Variants in CHRNE observed in about 807,000 individuals in gnomAD.
CHRNE encodes cholinergic receptor nicotinic epsilon subunit.
CHRNE carries 58 observed loss-of-function variants against 56.5 expected under a neutral mutation model. The ratio of observed to expected loss-of-function variants is 1.03; its 90% CI spans 0.83 to 1.28. CHRNE has a LOEUF of 1.28. Among genes scored for constraint, CHRNE ranks in the 50% most tolerant of loss-of-function variants. The probability of loss-of-function intolerance (pLI) is 0.00; values close to 1 mark genes in which losing one functional copy is unlikely to be tolerated. For missense variants in CHRNE, 793 were observed against 688.9 expected (o/e 1.15, Z -1.69); for synonymous variants, 385 against 297.9 (o/e 1.29, Z -3.01).
chr17:4,901,779 T>TC, intron 5 of CHRNE, 153 bp downstream of exon 5: 1 of 1,293,288 alleles, frequency 7.7e-7, no homozygotes, highest in Non-Finnish European at 1.1e-6. Context: ...CATCTGTACC[T>TC]CCGGCCGCGC....
At chr17:4,901,430 C>G in intron 6 of CHRNE, 95 bp downstream of exon 6, 1 of 1,167,406 alleles carries the variant, frequency 8.6e-7, no homozygotes, top group East Asian at 2.3e-5. Context: ...GGAAGTCATC[C>G]TCCAGTGTCG....
At chr17:4,903,191 C>G, upstream of CHRNE, 1 of 903,970 alleles carries the variant, frequency 1.1e-6, no homozygotes, top group Non-Finnish European at 1.8e-6. Context: ...TAATCCTCTG[C>G]TCACCCCTGC....
chr17:4,901,826 C>A (rs1969996103), intron 5 of CHRNE, 106 bp downstream of exon 5: 2 of 1,525,752 alleles, frequency 1.3e-6, no homozygotes, highest in Non-Finnish European at 1.8e-6. Context: ...CTGGCTCCGC[C>A]TCCAGCGCGA....
chr17:4,903,318 C>T (rs1970043783), upstream of CHRNE, among the ~76,000 whole-genome samples: 1 of 152,064 alleles, frequency 6.6e-6, no homozygotes, highest in African/African-American at 2.4e-5. Context: ...TCCCCAGCCA[C>T]AGATGTGGGC....
upstream of CHRNE, among the ~76,000 whole-genome samples, chr17:4,904,896 C>T (rs527997894): frequency 5.3e-5 from 8 of 152,226 alleles, no homozygotes; most frequent in Non-Finnish European, 1.0e-4. Flanking sequence ...ATCAACCCCA[C>T]GATTTCCATT....
Position 4,899,455 on chromosome 17 carries a change from C to CG in CHRNE, c.1032+12_1032+13insC. The CG allele has an allele frequency of 6.4e-7, 1 of 1,573,918 alleles. No individual in the cohort carries two copies. Among genetic ancestry groups the CG allele is most frequent in the Non-Finnish European group, 8.6e-7 (1 of 1,161,104 alleles). On this transcript the variant is annotated intron_variant, in intron 9 of 11. Transcript: ENST00000649488. ...CACCCCGACCCGGGCTGCACCGCCC[C>CG]CTCCGCGCTTACGTGGCGCAGCCGC...
Position 4,902,655 on chromosome 17 carries a change from C to T in CHRNE, c.155G>A (p.Ser52Asn), listed in dbSNP as rs759127314. 8 of 1,614,002 alleles carry T rather than the reference C, an allele frequency of 5.0e-6. No homozygotes were observed. The highest frequency in any genetic ancestry group is 1.3e-5 in the African/African-American group (1 of 74,900). Residue 52 changes from serine (S) to asparagine (N), a missense_variant, in exon 2 of 12, where the codon AGC (serine) becomes AAC (asparagine). Transcript: ENST00000649488. The surrounding 1 kb of genome is among the most constrained non-coding windows in gnomAD (Gnocchi z 4.0). ...VREPEDTVTI[S>N]LKVTLTNLIS... ...GAGATTCGTCAGGGTGACCTTGAGGCTGATGGTGACAGTATCCTCAGGCTC... is the reference window on the plus strand; with the variant it reads ...GAGATTCGTCAGGGTGACCTTGAGGTTGATGGTGACAGTATCCTCAGGCTC...
upstream of CHRNE, among the ~76,000 whole-genome samples, chr17:4,904,024 A>G (rs1242524287): frequency 6.6e-6 from 1 of 150,678 alleles, no homozygotes; most frequent in Non-Finnish European, 1.5e-5. Context: ...TGCCCGGCTA[A>G]TTTTTGTATT....
In CHRNE at chr17:4,902,733, C is replaced by T. The variant is rs188661284; in HGVS notation, c.77G>A (p.Arg26His). Residue 26 changes from arginine to histidine, a missense_variant, in exon 2 of 12, where the codon CGT becomes CAT. Physicochemically the swap from Arg to His is conservative, Grantham distance 29. Coordinates refer to ENST00000649488, the MANE Select transcript of CHRNE (RefSeq NM_000080.4). This position sits in a 1 kb window ranked among gnomAD's most constrained non-coding sequence, Gnocchi z 4.0. ...GRGVGKNEEL[R>H]LYHHLFNNYD... is the part of the protein sequence containing the mutation. ...GTTGTTGAAGAGATGGTGATAAAGA[C>T]GCAGTTCCTCGTTCTTCCCCACACC... The T allele has an allele frequency of 3.0e-5, 49 of 1,614,018 alleles. No homozygotes were observed. The East Asian group carries it at 4.2e-4, about 14-fold the overall frequency.
At position 4,899,382 on chromosome 17, in the gene CHRNE, A is replaced by G. The variant is rs752110136; in HGVS notation, c.1035T>C (p.Val345=). The G allele has an allele frequency of 6.5e-7, 1 of 1,533,022 alleles. No individual in the cohort carries two copies. The highest frequency in any genetic ancestry group is 1.2e-5 in the South Asian group (1 of 83,590). 95.0% of individuals were successfully genotyped at this position (1,533,022 alleles called of 1,614,324 possible). A position where few individuals can be genotyped will look rare whatever the true frequency, so the allele number is the denominator to read the frequency against. The change falls in exon 10 of 12, where the codon GTT becomes GTC. Residue 345 remains valine, a splice_region_variant and synonymous_variant. Transcript: ENST00000649488. ...GGAGGCGCGGCAGCAGCTCCAGGAG[A>G]ACCTGGGGCAGGGGCGGGGCTTAGG... ...THAMSPRLRH[V]LLELLPRLLG...
At position 4,902,993 on chromosome 17, in the gene CHRNE, T is replaced by G. The variant is rs749072950; in HGVS notation, c.46+25A>C. The G allele has an allele frequency of 6.2e-7, 1 of 1,613,844 alleles. No individual in the cohort carries two copies. ...CATGTCAGTATCTGTGTGTGTCCAA[T>G]TGCCCCTCTAGCCCCTGTCCGTACC... On this transcript the variant is annotated intron_variant, in intron 1 of 11. Transcript: ENST00000649488. The surrounding 1 kb of genome is among the most constrained non-coding windows in gnomAD (Gnocchi z 4.0).
At chr17:4,907,325 AGGCCGAGGCG>A (rs1307868750), upstream of CHRNE, among the ~76,000 whole-genome samples, 1 of 151,862 alleles carries the variant, frequency 6.6e-6, no homozygotes, top group African/African-American at 2.4e-5. Context: ...GCACTTCGGG[AGGCCGAGGCG>A]GGCGGATCAC....
Position 4,902,900 on chromosome 17 carries a change from G to A in CHRNE, c.46+118C>T. ...ATCTGTCTCCTAAACCAATTATGCT[G>A]TGCCTGGGAACGAAATACTGTGTCT... On this transcript the variant is annotated intron_variant, in intron 1 of 11. Transcript: ENST00000649488. This position sits in a 1 kb window ranked among gnomAD's most constrained non-coding sequence, Gnocchi z 4.0. The A allele has an allele frequency of 6.3e-7, 1 of 1,581,162 alleles. No individual in the cohort carries two copies. Among genetic ancestry groups the A allele is most frequent in the East Asian group, 2.2e-5 (1 of 44,702 alleles).
In CHRNE at chr17:4,899,073, G is replaced by A. The variant is rs1420851295; in HGVS notation, c.1254C>T (p.Pro418=). The change falls in exon 11 of 12, where the codon CCC becomes CCT. Residue 418 remains proline, a synonymous_variant. Coordinates refer to ENST00000649488, the MANE Select transcript of CHRNE (RefSeq NM_000080.4). ...CGGCATCCACACAGCAGCGGACCTC[G>A]GGGGCGGCGGCGCCCAGGCTCTGGC... ...AFCQSLGAAA[P]EVRCCVDAVN... 2.5e-6 allele frequency: 4 copies of A among 1,611,150 alleles called. No individual in the cohort carries two copies. Among genetic ancestry groups the A allele is most frequent in the African/African-American group, 2.7e-5 (2 of 74,916 alleles).
At position 4,898,964 on chromosome 17, in the gene CHRNE, TCTGCCTCGCTCCACCCGCC is replaced by T. The variant is rs756938858; in HGVS notation, c.1326+18_1326+36del. 2 of 1,272,582 alleles carry T rather than the reference TCTGCCTCGCTCCACCCGCC, an allele frequency of 1.6e-6. No homozygotes were observed. The highest frequency in any genetic ancestry group is 5.0e-5 in the Admixed American group (2 of 39,652). The allele number at this position is 1,272,582 out of a possible 1,614,324, so 78.8% of individuals were successfully genotyped here. Reference sequence around the variant, plus strand: ...GCGGCATGGGAGACAGTGGTGGGCCTCTGCCTCGCTCCACCCGCCTCTGGCTCCTGTCCCACCTCGCCGG... The same window carrying T: ...GCGGCATGGGAGACAGTGGTGGGCCTTCTGGCTCCTGTCCCACCTCGCCGG... On this transcript the variant is annotated intron_variant, in intron 11 of 11. Coordinates refer to ENST00000649488, the MANE Select transcript of CHRNE (RefSeq NM_000080.4).
rs140763858 is a variant in CHRNE, at chr17:4,899,249, G to A, written c.1168C>T (p.Arg390Trp). Reference protein sequence around the residue: ...RAEELILKKPRSELVFEGQRH... With the variant: ...RAEELILKKPWSELVFEGQRH... ...TGCCCCTCAAACACGAGCTCGCTCC[G>A]TGGCTTTTTCAGTATCAGCTCCTCC... The change falls in exon 10 of 12, where the codon CGG becomes TGG. Residue 390 changes from arginine (R) to tryptophan (W), a missense_variant. Arg to Trp is a moderately radical substitution (Grantham distance 101). Coordinates refer to ENST00000649488, the MANE Select transcript of CHRNE (RefSeq NM_000080.4). 1.3e-4 allele frequency: 214 copies of A among 1,606,450 alleles called. No homozygotes were observed. Among genetic ancestry groups the A allele is most frequent in the Middle Eastern group, 6.6e-4 (4 of 6,016 alleles).
chr17:4,902,129 C>G lies in CHRNE; in HGVS notation c.345-42G>C. The G allele has an allele frequency of 6.2e-7, 1 of 1,613,974 alleles. No individual in the cohort carries two copies. The highest frequency in any genetic ancestry group is 8.5e-7 in the Non-Finnish European group (1 of 1,179,952). ...ACCGAGCTTTTTGCACAGGTCTGCACCCTCTCAGAGTACCCCCTTCCCCAA... is the reference window on the plus strand; with the variant it reads ...ACCGAGCTTTTTGCACAGGTCTGCAGCCTCTCAGAGTACCCCCTTCCCCAA... On this transcript the variant is annotated intron_variant, in intron 4 of 11. Transcript: ENST00000649488. This position sits in a 1 kb window ranked among gnomAD's most constrained non-coding sequence, Gnocchi z 4.0.
chr17:4,900,880 A>AT lies in CHRNE; in HGVS notation c.829dup (p.Ile277AsnfsTer120), dbSNP rs2151097082. 1.2e-6 allele frequency: 2 copies of AT among 1,614,162 alleles called. No homozygotes were observed. The highest frequency in any genetic ancestry group is 1.7e-6 in the Non-Finnish European group (2 of 1,179,994). On this transcript the variant is annotated frameshift_variant, in exon 8 of 12. Coordinates refer to ENST00000649488, the MANE Select transcript of CHRNE (RefSeq NM_000080.4). LOFTEE classifies it high-confidence loss of function. The stretch of plus-strand genomic sequence containing the variant: ...GACGGTCTGGGCGAGCAGGACGTTG[A>AT]TGGAGACCGTGCATTTCTGGCCGCC...
chr17:4,899,806 A>G (rs1969902401), intron 8 of CHRNE: 4 of 1,551,010 alleles, frequency 2.6e-6, no homozygotes, highest in Non-Finnish European at 3.5e-6. Context: ...ATGTGGATCT[A>G]CCACTTCCAC....
Sources: gnomAD v4.1 joint callset for allele counts (sites outside exome capture counted in the v4.1 genomes callset) on GRCh38, gnomAD v4.1.1 for gene constraint, Gnocchi (gnomAD v3.1) non-coding constraint, MANE v1.5 for transcripts, NCBI Gene and HGNC (gene_info 2026-07-23, HGNC 2026-07-21) for gene names.